The following EDC3 variants were observed in gnomAD, a reference collection of about 807,000 sequenced individuals.
EDC3 encodes enhancer of mRNA-decapping protein 3.
In EDC3, 20 loss-of-function variants were observed where a neutral mutation model predicts 41.8. The ratio of observed to expected loss-of-function variants is 0.48; its 90% CI spans 0.34 to 0.70. EDC3 has a LOEUF of 0.70. Ranked by LOEUF, EDC3 falls within the 30% of genes least tolerant of loss-of-function variation. EDC3 has a pLI of 0.01. For synonymous variants in EDC3, 206 were observed against 243.2 expected, an observed-to-expected ratio of 0.85 and a Z score of 1.42; for missense variants, 444 against 636.8, an observed-to-expected ratio of 0.70 and a Z score of 3.26.
chr15:74,670,653 C>T (rs191300721), intron 3 of EDC3, among the ~76,000 whole-genome samples: 50 of 152,322 alleles, frequency 3.3e-4, no homozygotes, highest in African/African-American at 1.1e-3. Flanking sequence ...TGGCCTCAAA[C>T]GCCTGACCTC....
At chr15:74,650,604 T>TA (rs2062469422) in intron 4 of EDC3, among the ~76,000 whole-genome samples, 1 of 152,174 alleles carries the variant, frequency 6.6e-6, no homozygotes, top group South Asian at 2.1e-4. Flanking sequence ...TTTCATAACT[T>TA]AAAGGCAAGG....
At chr15:74,680,260 CAAAAAAAAAA>C (rs34873831) in intron 1 of EDC3, among the ~76,000 whole-genome samples, 1 of 64,280 alleles carries the variant, frequency 1.6e-5, no homozygotes, top group South Asian at 7.3e-4. Flanking sequence ...GACTCCATCT[CAAAAAAAAAA>C]AAAAAAAAAA....
At chr15:74,642,594 G>A (rs1262674984) in intron 4 of EDC3, 1 of 152,202 alleles carries the variant, frequency 6.6e-6, no homozygotes, top group African/African-American at 2.4e-5. Flanking sequence ...GTCACGCAAG[G>A]CAGAGCTTTC....
intron 5 of EDC3, 160 bp from the exon 6 acceptor site, chr15:74,635,786 G>T: frequency 1.5e-6 from 1 of 661,488 alleles, no homozygotes; most frequent in Non-Finnish European, 2.5e-6. Context: ...TGCAGGCCAG[G>T]TCTATAGGGT....
chr15:74,635,701 T>A, intron 5 of EDC3, 75 bp from the exon 6 acceptor site: 6 of 1,344,290 alleles, frequency 4.5e-6, no homozygotes, highest in Admixed American at 2.0e-5. Flanking sequence ...GACAATTGCC[T>A]GTAGCACCTA....
At position 74,693,961 on chromosome 15, in the gene EDC3, T is replaced by C. The variant is rs535327146; in HGVS notation, c.-19+1919A>G. 3.3e-5 allele frequency among the ~76,000 whole-genome samples: 5 copies of C among 151,318 alleles called. No individual in the cohort carries two copies. The South Asian group carries it at 1.0e-3, about 32-fold the overall frequency. ...TTGCACCACTGCACTCCGTCCAACC[T>C]GGGCAATGGAGTGAGACTCCATCTC... On this transcript the variant is annotated intron_variant, in intron 1 of 6. Coordinates refer to ENST00000315127, the MANE Select transcript of EDC3 (RefSeq NM_025083.5).
rs528953589 is a variant in EDC3 at position 74,672,597 on chromosome 15, C to T, written c.165-823G>A. On this transcript the variant is annotated intron_variant, in intron 2 of 6. Transcript: ENST00000315127. ...TTGGGAGGCCGAGGCAGGCGAATCA[C>T]TTGAGGCCAGGAGTTCGAGACCAGC... Among the ~76,000 whole-genome samples, 127 of 152,292 alleles carry T rather than the reference C, an allele frequency of 8.3e-4. 1 individual carries two copies. Among genetic ancestry groups the T allele is most frequent in the African/African-American group, 3.0e-3 (124 of 41,562 alleles).
rs577695547 is a variant in EDC3, at chr15:74,681,543, C to G, written c.-18-6401G>C. Reference sequence around the variant, plus strand: ...GATAATCAAGACTATATAGTATTGGCAGAGGGACAAACATGTAAATCGATA... The same window carrying G: ...GATAATCAAGACTATATAGTATTGGGAGAGGGACAAACATGTAAATCGATA... On this transcript the variant is annotated intron_variant, in intron 1 of 6. Coordinates refer to ENST00000315127, the MANE Select transcript of EDC3 (RefSeq NM_025083.5). Among the ~76,000 whole-genome samples, 64 of 152,262 alleles carry G rather than the reference C, an allele frequency of 4.2e-4. 1 individual carries two copies. In the South Asian group the frequency reaches 0.01, roughly 25 times the overall value.
At chr15:74,661,829 T>G (rs938753195) in intron 3 of EDC3, among the ~76,000 whole-genome samples, 1 of 151,960 alleles carries the variant, frequency 6.6e-6, no homozygotes, top group Non-Finnish European at 1.5e-5. Context: ...AATAAATAAT[T>G]CAAAGGTAAT....
At chr15:74,638,948 C>CA (rs533499312) in intron 5 of EDC3, 4,096 of 129,586 alleles carry the variant, frequency 0.032, 158 homozygotes, top group African/African-American at 0.096. Flanking sequence ...TTCTAAGAGA[C>CA]AAAAAAAAAA....
intron 6 of EDC3, 105 bp downstream of exon 6, chr15:74,635,304 A>T: frequency 9.6e-7 from 1 of 1,039,952 alleles, no homozygotes; most frequent in Non-Finnish European, 1.5e-6. Context: ...CACCATCCTT[A>T]CACACGTAGT....
At chr15:74,680,912 T>TAA (rs1300816610) in intron 1 of EDC3, among the ~76,000 whole-genome samples, 3,586 of 149,654 alleles carry the variant, frequency 0.024, 143 homozygotes, top group African/African-American at 0.083. Flanking sequence ...GGTGTAAATC[T>TAA]AAAAAAAAAG....
intron 4 of EDC3, among the ~76,000 whole-genome samples, chr15:74,653,610 T>C (rs2062508215): frequency 6.6e-6 from 1 of 152,140 alleles, no homozygotes; most frequent in Admixed American, 6.5e-5. Context: ...TCCCCCTCAT[T>C]GTCATGAACC....
At position 74,671,360 on chromosome 15, in the gene EDC3, G is replaced by A; in HGVS notation, c.484+95C>T. 1 of 1,333,990 alleles carries A rather than the reference G, an allele frequency of 7.5e-7. No individual in the cohort carries two copies. Among genetic ancestry groups the A allele is most frequent in the East Asian group, 2.3e-5 (1 of 43,208 alleles). 82.6% of individuals were successfully genotyped at this position (1,333,990 alleles called of 1,614,324 possible). ...CGCTCAGCCAGCATCCATTTTATTG[G>A]AATAACAAAGGATTTGTTTAAAGAG... is the stretch of plus-strand genomic sequence containing the variant. On this transcript the variant is annotated intron_variant, in intron 3 of 6. Transcript: ENST00000315127. The surrounding 1 kb of genome is among the most constrained non-coding windows in gnomAD (Gnocchi z 4.6).
At chr15:74,636,410 C>G (rs2062273892) in intron 5 of EDC3, 1 of 152,254 alleles carries the variant, frequency 6.6e-6, no homozygotes, top group South Asian at 2.1e-4. Context: ...GTTACCTGGC[C>G]TCCTAGGCTA....
At chr15:74,667,464 GT>G (rs2062689174) in intron 3 of EDC3, among the ~76,000 whole-genome samples, 1 of 103,566 alleles carries the variant, frequency 9.7e-6, no homozygotes, top group Non-Finnish European at 1.9e-5. Context: ...GAGGGAGGGG[GT>G]GGAGGGAGGA....
In EDC3 at chr15:74,645,705, C is replaced by T. The variant is rs1234419034; in HGVS notation, c.821-5086G>A. ...GCAACATGGTGAAACCCTATCTCTA[C>T]TAAAAATACAAAAAAAAAAAAAAAA... On this transcript the variant is annotated intron_variant, in intron 4 of 6. Transcript: ENST00000315127. 2.1e-5 allele frequency among the ~76,000 whole-genome samples: 3 copies of T among 144,670 alleles called. No homozygotes were observed. The South Asian group carries it at 6.6e-4, about 32-fold the overall frequency. 94.9% of individuals were successfully genotyped at this position (144,670 alleles called of 152,430 possible).
intron 3 of EDC3, among the ~76,000 whole-genome samples, chr15:74,663,773 C>T (rs959424497): frequency 6.7e-6 from 1 of 150,328 alleles, no homozygotes; most frequent in African/African-American, 2.4e-5. Flanking sequence ...TATTGAAATG[C>T]AAAGTAGAAA....
At chr15:74,672,268 C>CA (rs1567174508) in intron 2 of EDC3, among the ~76,000 whole-genome samples, 2 of 11,608 alleles carry the variant, frequency 1.7e-4, no homozygotes, top group Non-Finnish European at 1.6e-4. Context: ...GACTCTGTCT[C>CA]AAAAAAAAAA....
Sources: gnomAD v4.1 joint callset for allele counts (sites outside exome capture counted in the v4.1 genomes callset) on GRCh38, gnomAD v4.1.1 for gene constraint, Gnocchi (gnomAD v3.1) non-coding constraint, MANE v1.5 for transcripts, NCBI Gene and HGNC (gene_info 2026-07-23, HGNC 2026-07-21) for gene names.